The following CLIP1 variants were observed in gnomAD, a reference collection of about 807,000 sequenced individuals.
CLIP1 encodes the protein CAP-Gly domain-containing linker protein 1.
Under a neutral mutation model 161.6 loss-of-function variants are expected in CLIP1, and 66 were observed. That is an observed-to-expected ratio of 0.41 (90% CI 0.33 to 0.50). The LOEUF (loss-of-function observed/expected upper bound fraction) is 0.50, where lower values mean the gene tolerates loss of function less well. CLIP1 is among the 20% of genes least tolerant of loss of function. The pLI is 0.27. For missense variants in CLIP1, 1,376 were observed against 1,702.0 expected, an observed-to-expected ratio of 0.81 and a Z score of 3.37; for synonymous variants, 598 against 626.2, an observed-to-expected ratio of 0.96 and a Z score of 0.67.
chr12:122,379,145 A>T (rs1215197834), intron 2 of CLIP1, among the ~76,000 whole-genome samples: 1 of 150,280 alleles, frequency 6.7e-6, no homozygotes, highest in Admixed American at 6.6e-5. Context: ...AACAAAACCA[A>T]AAAAAAACAA....
At position 122,377,702 on chromosome 12, in the gene CLIP1, T is replaced by C. The variant is rs1954813244; in HGVS notation, c.344A>G (p.Lys115Arg). 3.7e-6 allele frequency: 6 copies of C among 1,613,658 alleles called. No individual in the cohort carries two copies. The African/African-American group carries it at 5.3e-5, about 14-fold the overall frequency. ...CTTTGAAGGTCGGGTAAATATGCCC[T>C]TTAAAGGTTCACACTGGAAATACCG... ...GVRYFQCEPL[K>R]GIFTRPSKLT... is the part of the protein sequence containing the mutation. The change falls in exon 3 of 26, where the codon AAG becomes AGG. Residue 115 changes from lysine (K) to arginine (R), a missense_variant. Physicochemically the swap from Lys to Arg is conservative, Grantham distance 26 (BLOSUM62 2). Transcript: ENST00000620786.
At chr12:122,284,164 A>G (rs1355322268) in intron 21 of CLIP1, among the ~76,000 whole-genome samples, 9 of 152,160 alleles carry the variant, frequency 5.9e-5, no homozygotes, top group Admixed American at 5.9e-4. Context: ...TTAACAAACA[A>G]ACAAAAAACA....
In CLIP1 at chr12:122,378,630, A is replaced by G. The variant is rs184530223; in HGVS notation, c.86-670T>C. Among the ~76,000 whole-genome samples, 318 of 152,326 alleles carry G rather than the reference A, an allele frequency of 2.1e-3. 1 individual carries two copies. The South Asian group carries it at 0.021, about 10-fold the overall frequency. On this transcript the variant is annotated intron_variant, in intron 2 of 25. Transcript: ENST00000620786. ...TGCTACACCCGCCACCCTGCACATC[A>G]TGAGCAAATATCCATTCACATTCAC...
intron 7 of CLIP1, among the ~76,000 whole-genome samples, chr12:122,353,757 A>G (rs1320231706): frequency 6.6e-6 from 1 of 151,910 alleles, no homozygotes; most frequent in East Asian, 2.0e-4. Flanking sequence ...CAGCCTCCCA[A>G]GTAGCTGGGA....
chr12:122,287,251 G>A (rs1214444474), intron 21 of CLIP1, among the ~76,000 whole-genome samples: 1 of 152,102 alleles, frequency 6.6e-6, no homozygotes, highest in East Asian at 1.9e-4. Context: ...TGTGGCTTAC[G>A]GAATCCAAAT....
chr12:122,392,130 G>A (rs1955685465), intron 1 of CLIP1, among the ~76,000 whole-genome samples: 1 of 152,092 alleles, frequency 6.6e-6, no homozygotes, highest in Admixed American at 6.6e-5. Flanking sequence ...AATTAACTGT[G>A]TGTGGTGGAT....
At position 122,419,064 on chromosome 12, in the gene CLIP1, T is replaced by C. The variant is rs923124292; in HGVS notation, c.-107+3457A>G. 2.6e-5 allele frequency among the ~76,000 whole-genome samples: 4 copies of C among 152,236 alleles called. No individual in the cohort carries two copies. In the East Asian group the frequency reaches 7.7e-4, roughly 29 times the overall value. ...AAAATCAATCTGACATTTATGAACC[T>C]TATATTTTCAATTAACCAAGAAACA... On this transcript the variant is annotated intron_variant, in intron 1 of 25. Transcript: ENST00000620786.
chr12:122,378,719 G>A (rs957371747), intron 2 of CLIP1, among the ~76,000 whole-genome samples: 1 of 152,142 alleles, frequency 6.6e-6, no homozygotes, highest in Non-Finnish European at 1.5e-5. Flanking sequence ...ACTATTCCAG[G>A]CACAGTGGCT....
intron 19 of CLIP1, among the ~76,000 whole-genome samples, chr12:122,315,568 G>T (rs1282838017): frequency 1.3e-5 from 2 of 151,994 alleles, no homozygotes; most frequent in Admixed American, 1.3e-4. Context: ...GTAACAAATT[G>T]ATGTGTAAAC....
At chr12:122,380,274 A>G in intron 2 of CLIP1, 94 bp downstream of exon 2, 1 of 760,876 alleles carries the variant, frequency 1.3e-6, no homozygotes. Context: ...AAATATTTTC[A>G]AGAATATGAA....
At chr12:122,362,151 A>G (rs950058129) in intron 4 of CLIP1, among the ~76,000 whole-genome samples, 10 of 151,090 alleles carry the variant, frequency 6.6e-5, no homozygotes, top group African/African-American at 2.2e-4. Flanking sequence ...ACAGGGTTTC[A>G]ATATGTTGGC....
intron 20 of CLIP1, among the ~76,000 whole-genome samples, chr12:122,294,671 G>A (rs1182732616): frequency 6.6e-6 from 1 of 152,122 alleles, no homozygotes. Context: ...GCTGAAGTGG[G>A]AGGCTACAAT....
chr12:122,341,757 CTTTTCTTTT>C, intron 10 of CLIP1, 60 bp from the exon 11 acceptor site: 20 of 89,238 alleles, frequency 2.2e-4, no homozygotes, highest in South Asian at 8.0e-4. Context: ...TGACTATTTT[CTTTTCTTTT>C]TTTTTTTTTT....
chr12:122,411,306 T>C (rs1007473883), intron 1 of CLIP1, among the ~76,000 whole-genome samples: 6 of 152,084 alleles, frequency 3.9e-5, no homozygotes, highest in East Asian at 1.9e-4. Context: ...ATCCCAGCTA[T>C]TGGGGAGGCT....
At chr12:122,367,849 T>C (rs1307145164) in intron 3 of CLIP1, among the ~76,000 whole-genome samples, 4 of 152,116 alleles carry the variant, frequency 2.6e-5, no homozygotes, top group African/African-American at 9.7e-5. Flanking sequence ...TGAGACTCCA[T>C]CTCTACAAAA....
intron 1 of CLIP1, among the ~76,000 whole-genome samples, chr12:122,419,517 C>T (rs1020176905): frequency 2.6e-5 from 4 of 152,034 alleles, no homozygotes; most frequent in Non-Finnish European, 5.9e-5. Flanking sequence ...TAAGTAATAA[C>T]GAAGAACCAG....
At chr12:122,368,408 T>C (rs944446247) in intron 3 of CLIP1, among the ~76,000 whole-genome samples, 65 of 152,122 alleles carry the variant, frequency 4.3e-4, no homozygotes, top group African/African-American at 1.5e-3. Context: ...ACTGATAAAT[T>C]CCTGTTGGGT....
At chr12:122,316,003 C>T (rs561061105) in intron 19 of CLIP1, among the ~76,000 whole-genome samples, 1 of 151,784 alleles carries the variant, frequency 6.6e-6, no homozygotes, top group African/African-American at 2.4e-5. Context: ...ATTTTTTTCC[C>T]CCTATAAAAA....
chr12:122,397,465 T>C (rs1231896856), intron 1 of CLIP1, among the ~76,000 whole-genome samples: 3 of 139,018 alleles, frequency 2.2e-5, no homozygotes, highest in South Asian at 4.5e-4. Flanking sequence ...CCGGGCATAG[T>C]GGTGCACGCC....
Sources: gnomAD v4.1 joint callset for allele counts (sites outside exome capture counted in the v4.1 genomes callset) on GRCh38, gnomAD v4.1.1 for gene constraint, MANE v1.5 for transcripts, NCBI Gene and HGNC (gene_info 2026-07-23, HGNC 2026-07-21) for gene names.